TSHR: variants seen among roughly 807,000 people sequenced by gnomAD.
The protein encoded by TSHR is thyrotropin receptor.
Under a neutral mutation model 64.1 loss-of-function variants are expected in TSHR, and 51 were observed. The observed-to-expected ratio is 0.80, with a 90% CI of 0.64 to 1.01. The LOEUF (loss-of-function observed/expected upper bound fraction) is 1.01. Ranked by LOEUF, TSHR falls within the 50% of genes least tolerant of loss-of-function variation. The probability of loss-of-function intolerance (pLI) is 0.00; values close to 1 mark genes in which losing one functional copy is unlikely to be tolerated. For missense variants in TSHR, 877 were observed against 942.8 expected (o/e 0.93, Z 0.91); for synonymous variants, 361 against 361.9 (o/e 1.00, Z 0.03).
At chr14:80,979,366 A>G (rs1888053606) in intron 1 of TSHR, among the ~76,000 whole-genome samples, 1 of 152,190 alleles carries the variant, frequency 6.6e-6, no homozygotes, top group Non-Finnish European at 1.5e-5. Flanking sequence ...GGCTGTGCAG[A>G]GGGTAGGGGG....
intron 1 of TSHR, among the ~76,000 whole-genome samples, chr14:80,987,335 T>A (rs773541043): frequency 3.3e-5 from 5 of 152,242 alleles, no homozygotes; most frequent in Admixed American, 2.6e-4. Flanking sequence ...TCTTTCCTGA[T>A]GTCTGCACTT....
At chr14:81,035,706 G>C (rs1407181600) in intron 1 of TSHR, among the ~76,000 whole-genome samples, 1 of 152,110 alleles carries the variant, frequency 6.6e-6, no homozygotes, top group Non-Finnish European at 1.5e-5. Flanking sequence ...AATGGGTAAT[G>C]CTTGTGTTTT....
intron 1 of TSHR, among the ~76,000 whole-genome samples, chr14:81,000,544 C>G (rs572764967): frequency 1.1e-4 from 16 of 152,254 alleles, no homozygotes; most frequent in African/African-American, 3.9e-4. Context: ...TGCTACAGAG[C>G]TTCTGGAATA....
At position 81,104,222 on chromosome 14, in the gene TSHR, G is replaced by A. The variant is rs948623292; in HGVS notation, c.615-4153G>A. ...AAAAGGATTTCCATAGAGCAATCCA[G>A]CTTCTCTTTAAACTAACATGAGAGG... On this transcript the variant is annotated intron_variant, in intron 7 of 9. Transcript: ENST00000298171. The A allele has an allele frequency of 5.1e-6, 5 of 985,324 alleles. No individual in the cohort carries two copies. The African/African-American group carries it at 7.0e-5, about 14-fold the overall frequency. 61.0% of individuals were successfully genotyped at this position (985,324 alleles called of 1,614,324 possible).
chr14:81,040,612 C>G (rs1884873150), intron 1 of TSHR, among the ~76,000 whole-genome samples: 1 of 151,666 alleles, frequency 6.6e-6, no homozygotes, highest in East Asian at 1.9e-4. Flanking sequence ...AACAACTCAG[C>G]AAAAAAACAA....
At chr14:81,048,005 T>C (rs977379390) in intron 1 of TSHR, among the ~76,000 whole-genome samples, 12 of 152,142 alleles carry the variant, frequency 7.9e-5, no homozygotes, top group Non-Finnish European at 1.6e-4. Context: ...ATGGACAACA[T>C]TGTAGCTAAG....
intron 8 of TSHR, among the ~76,000 whole-genome samples, chr14:81,113,930 C>T (rs1270365881): frequency 6.6e-6 from 1 of 152,056 alleles, no homozygotes; most frequent in Admixed American, 6.5e-5. Flanking sequence ...AATGTCATCA[C>T]CAAGACTCAA....
At chr14:81,110,507 T>C (rs760120668) in intron 8 of TSHR, among the ~76,000 whole-genome samples, 1 of 152,206 alleles carries the variant, frequency 6.6e-6, no homozygotes, top group African/African-American at 2.4e-5. Context: ...ACTTGCAGCC[T>C]CCAGAACTGT....
In TSHR at chr14:81,092,466, G is replaced by A. The variant is rs1188192104; in HGVS notation, c.468-65G>A. On this transcript the variant is annotated intron_variant, in intron 5 of 9. Transcript: ENST00000298171. ...CCTGTTATTTAAGTGCATATGCGCA[G>A]CAAGACCCCTGCTGCAGAAGGAAAG... The A allele has an allele frequency of 2.1e-6, 3 of 1,447,114 alleles. No individual in the cohort carries two copies. In the Admixed American group the frequency reaches 5.0e-5, roughly 24 times the overall value. The allele number at this position is 1,447,114 out of a possible 1,614,324, so 89.6% of individuals were successfully genotyped here. A position where few individuals can be genotyped will look rare whatever the true frequency, so the allele number is the denominator to read the frequency against.
intron 1 of TSHR, among the ~76,000 whole-genome samples, chr14:81,058,767 T>C (rs944112131): frequency 2.0e-5 from 3 of 152,204 alleles, no homozygotes; most frequent in Non-Finnish European, 2.9e-5. Flanking sequence ...CCATAAATAT[T>C]CAAAATGTAT....
chr14:81,135,009 C>A (rs906562353), intron 8 of TSHR, among the ~76,000 whole-genome samples: 5 of 152,142 alleles, frequency 3.3e-5, no homozygotes, highest in Non-Finnish European at 7.3e-5. Flanking sequence ...GTCATACTTA[C>A]CAAAAGCATC....
intron 8 of TSHR, among the ~76,000 whole-genome samples, chr14:81,118,811 T>C (rs911908391): frequency 6.6e-6 from 1 of 151,202 alleles, no homozygotes; most frequent in African/African-American, 2.5e-5. Context: ...AACAGCATGG[T>C]ACTGGTACCA....
chr14:81,000,713 T>C (rs1889264710), intron 1 of TSHR, among the ~76,000 whole-genome samples: 1 of 152,232 alleles, frequency 6.6e-6, no homozygotes, highest in African/African-American at 2.4e-5. Flanking sequence ...TGACAAAATC[T>C]TCCAGTTTTG....
intron 1 of TSHR, among the ~76,000 whole-genome samples, chr14:80,997,423 G>C (rs535013842): frequency 6.6e-6 from 1 of 152,204 alleles, no homozygotes; most frequent in Non-Finnish European, 1.5e-5. Flanking sequence ...GGGAACTAAA[G>C]CTTACAAAAT....
intron 8 of TSHR, among the ~76,000 whole-genome samples, chr14:81,132,354 TC>T (rs1938437680): frequency 6.6e-6 from 1 of 152,208 alleles, no homozygotes; most frequent in African/African-American, 2.4e-5. Flanking sequence ...TAAATAATAA[TC>T]AATGACAAAA....
intron 8 of TSHR, among the ~76,000 whole-genome samples, chr14:81,116,004 C>A (rs1890488407): frequency 6.6e-6 from 1 of 152,074 alleles, no homozygotes; most frequent in African/African-American, 2.4e-5. Context: ...ACCACCAGGC[C>A]TGCCCTAAAG....
intron 1 of TSHR, among the ~76,000 whole-genome samples, chr14:81,006,272 A>G (rs1227029515): frequency 1.3e-5 from 2 of 152,084 alleles, no homozygotes; most frequent in Non-Finnish European, 2.9e-5. Flanking sequence ...ACAACAGTTT[A>G]TTTTCTCTCA....
At chr14:81,110,790 A>C (rs12881644) in intron 8 of TSHR, among the ~76,000 whole-genome samples, 96,289 of 151,990 alleles carry the variant, frequency 0.63, 30,925 homozygotes, top group Middle Eastern at 0.72. Context: ...TTGGTGAAAC[A>C]CCCATCTTTG....
At chr14:80,961,076 C>A (rs1185447518) in intron 1 of TSHR, among the ~76,000 whole-genome samples, 2 of 152,236 alleles carry the variant, frequency 1.3e-5, no homozygotes, top group African/African-American at 4.8e-5. Flanking sequence ...CCACTTTTGG[C>A]GTCTGAAATA....
Sources: gnomAD v4.1 joint callset for allele counts (sites outside exome capture counted in the v4.1 genomes callset) on GRCh38, gnomAD v4.1.1 for gene constraint, MANE v1.5 for transcripts, NCBI Gene and HGNC (gene_info 2026-07-23, HGNC 2026-07-21) for gene names.